PCDHGB2: variants seen among roughly 807,000 people sequenced by gnomAD.
The protein encoded by PCDHGB2 is protocadherin gamma-B2.
A neutral mutation model predicts 59.3 loss-of-function variants in PCDHGB2; 55 were observed. That is an observed-to-expected ratio of 0.93 (90% CI 0.75 to 1.16). PCDHGB2 has a LOEUF of 1.16. Among genes scored for constraint, PCDHGB2 ranks in the 50% most tolerant of loss-of-function variants. The pLI, the probability that PCDHGB2 is intolerant of heterozygous loss-of-function variation, is 0.00. For synonymous variants in PCDHGB2, 516 were observed against 512.0 expected (o/e 1.01, Z -0.11); for missense variants, 1,228 against 1,198.5 (o/e 1.02, Z -0.36).
intron 1 of PCDHGB2, chr5:141,392,647 C>A: frequency 1.5e-6 from 1 of 685,816 alleles, no homozygotes; most frequent in Non-Finnish European, 2.3e-6. Flanking sequence ...CTCACGAAGA[C>A]CCGCAGATGC....
Position 141,415,740 on chromosome 5 carries a change from G to GTTTTTT in PCDHGB2, c.2421+53211_2421+53216dup, listed in dbSNP as rs57426385. ...TGAGTAGAATTTGATGTTTATTAAGGTTTTTTTTTTTTTTTTTTTTTTTTT... is the reference window on the plus strand; with the variant it reads ...TGAGTAGAATTTGATGTTTATTAAGGTTTTTTTTTTTTTTTTTTTTTTTTTTTTTTT... On this transcript the variant is annotated intron_variant, in intron 1 of 3. Transcript: ENST00000522605. 6.6e-4 allele frequency: 412 copies of GTTTTTT among 624,836 alleles called. 3 individuals carry two copies. The highest frequency in any genetic ancestry group is 1.2e-3 in the African/African-American group (49 of 39,912). The allele number at this position is 624,836 out of a possible 1,614,324, so 38.7% of individuals were successfully genotyped here.
rs111458813 is a variant in PCDHGB2 at position 141,483,648 on chromosome 5, TTG to T, written c.2422-11139_2422-11138del. Among the ~76,000 whole-genome samples, 82 of 149,502 alleles carry T rather than the reference TTG, an allele frequency of 5.5e-4. 1 individual carries two copies. The highest frequency in any genetic ancestry group is 2.5e-3 in the Admixed American group (37 of 14,990). Reference sequence around the variant, plus strand: ...GGAGAAGGTATAGAGGGGTGTGTGTTTGTGTGTGTGTGTGTGTGTGTAAAAGA... The same window carrying T: ...GGAGAAGGTATAGAGGGGTGTGTGTTTGTGTGTGTGTGTGTGTGTAAAAGA... On this transcript the variant is annotated intron_variant, in intron 1 of 3. Transcript: ENST00000522605.
chr5:141,416,096 T>C (rs2095991930), intron 1 of PCDHGB2: 1 of 161,152 alleles, frequency 6.2e-6, no homozygotes, highest in South Asian at 2.0e-4. Flanking sequence ...AGAAGGGCAA[T>C]AGGCCTTTTT....
At chr5:141,439,898 C>A (rs1428014089) in intron 1 of PCDHGB2, 2 of 152,344 alleles carry the variant, frequency 1.3e-5, no homozygotes, top group African/African-American at 4.8e-5. Flanking sequence ...ACCAAGGCGA[C>A]TACTGCCTCC....
In PCDHGB2 at chr5:141,486,397, G is replaced by T; in HGVS notation, c.2422-8410G>T. 6.2e-7 allele frequency: 1 copy of T among 1,614,164 alleles called. No individual in the cohort carries two copies. Among genetic ancestry groups the T allele is most frequent in the East Asian group, 2.2e-5 (1 of 44,872 alleles). On this transcript the variant is annotated intron_variant, in intron 1 of 3. Coordinates refer to ENST00000522605, the MANE Select transcript of PCDHGB2 (RefSeq NM_018923.3). The surrounding 1 kb of genome is among the most constrained non-coding windows in gnomAD (Gnocchi z 5.0). ...CCTTCAGGAACCAGTTCTCCCTGGTGACTGCTGGACCCTTGGATCGAGAGG... is the reference window on the plus strand; with the variant it reads ...CCTTCAGGAACCAGTTCTCCCTGGTTACTGCTGGACCCTTGGATCGAGAGG...
At chr5:141,450,832 T>TTA (rs764784095) in intron 1 of PCDHGB2, among the ~76,000 whole-genome samples, 6,304 of 142,274 alleles carry the variant, frequency 0.044, 222 homozygotes, top group African/African-American at 0.11. Context: ...TATTATTATT[T>TTA]TTTTTTTTTT....
intron 1 of PCDHGB2, chr5:141,421,468 C>G: frequency 1.2e-6 from 2 of 1,614,096 alleles, no homozygotes; most frequent in Non-Finnish European, 1.7e-6. Flanking sequence ...TGTGAATCCG[C>G]GAAGCGGCAG....
chr5:141,415,740 GTTTTTTTTTTTTTT>G (rs57426385), intron 1 of PCDHGB2: 52 of 625,016 alleles, frequency 8.3e-5, no homozygotes, highest in East Asian at 4.1e-4. Context: ...GTTTATTAAG[GTTTTTTTTTTTTTT>G]TTTTTTTTTT....
chr5:141,443,938 G>T (rs1330111540), intron 1 of PCDHGB2, among the ~76,000 whole-genome samples: 1 of 152,014 alleles, frequency 6.6e-6, no homozygotes, highest in Non-Finnish European at 1.5e-5. Context: ...CTCACAGCAG[G>T]TTTCCTTATT....
At position 141,487,636 on chromosome 5, in the gene PCDHGB2, A is replaced by G. The variant is rs780468230; in HGVS notation, c.2422-7171A>G. 3 of 1,614,192 alleles carry G rather than the reference A, an allele frequency of 1.9e-6. No homozygotes were observed. Among genetic ancestry groups the G allele is most frequent in the Non-Finnish European group, 1.7e-6 (2 of 1,180,030 alleles). Reference sequence around the variant, plus strand: ...TAGAGGTGAGACCTTTGCAGGCTCAACAAATGCTTGAGGGTTATTCTGATC... The same window carrying G: ...TAGAGGTGAGACCTTTGCAGGCTCAGCAAATGCTTGAGGGTTATTCTGATC... On this transcript the variant is annotated intron_variant, in intron 1 of 3. Transcript: ENST00000522605. This position sits in a 1 kb window ranked among gnomAD's most constrained non-coding sequence, Gnocchi z 5.0.
intron 1 of PCDHGB2, chr5:141,370,352 C>T (rs1169280813): frequency 6.7e-7 from 1 of 1,499,528 alleles, no homozygotes; most frequent in Non-Finnish European, 8.9e-7. Flanking sequence ...ATTTAAAGAT[C>T]TCCTCTCCTC....
chr5:141,508,334 C>T (rs1323577321), intron 3 of PCDHGB2: 2 of 151,150 alleles, frequency 1.3e-5, no homozygotes, highest in African/African-American at 4.9e-5. Flanking sequence ...GGAGAACTGA[C>T]TCTACAGAAA....
chr5:141,427,229 G>A (rs1377470019), intron 1 of PCDHGB2: 3 of 456,628 alleles, frequency 6.6e-6, no homozygotes, highest in Non-Finnish European at 1.3e-5. Context: ...GTTATACCAT[G>A]AGAGTAGAAG....
intron 3 of PCDHGB2, among the ~76,000 whole-genome samples, chr5:141,506,189 G>A (rs529165145): frequency 3.6e-4 from 55 of 152,262 alleles, no homozygotes; most frequent in African/African-American, 1.1e-3. Flanking sequence ...GGTGGCTCAC[G>A]CCTGTAATCC....
chr5:141,413,483 G>A (rs2095646690), intron 1 of PCDHGB2: 1 of 1,614,080 alleles, frequency 6.2e-7, no homozygotes, highest in East Asian at 2.2e-5. Flanking sequence ...TGCGCTCAGA[G>A]CGCGCGGTGC....
chr5:141,413,288 C>T (rs2095623576), intron 1 of PCDHGB2: 2 of 1,613,950 alleles, frequency 1.2e-6, no homozygotes, highest in East Asian at 4.5e-5. Flanking sequence ...ATCTCCTACT[C>T]AATTCCTGAG....
chr5:141,440,321 C>T (rs1048535776), intron 1 of PCDHGB2: 1 of 152,104 alleles, frequency 6.6e-6, no homozygotes, highest in African/African-American at 2.4e-5. Context: ...ACAAAAATTA[C>T]TGGGCATGGT....
intron 1 of PCDHGB2, among the ~76,000 whole-genome samples, chr5:141,459,971 A>G (rs1458539493): frequency 2.6e-5 from 4 of 152,208 alleles, no homozygotes; most frequent in Non-Finnish European, 5.9e-5. Flanking sequence ...CCAGCTACTC[A>G]GGAGGCTGAG....
chr5:141,389,429 G>T, intron 1 of PCDHGB2: 1 of 1,610,654 alleles, frequency 6.2e-7, no homozygotes, highest in East Asian at 2.2e-5. Flanking sequence ...TGTTCGCGCA[G>T]CGCGCCTTCG....
Sources: allele counts gnomAD v4.1 joint callset (sites outside exome capture counted in the v4.1 genomes callset), GRCh38; gene constraint gnomAD v4.1.1; non-coding constraint Gnocchi (gnomAD v3.1); transcripts MANE v1.5; gene names NCBI Gene and HGNC (gene_info 2026-07-23, HGNC 2026-07-21).